Variants in SNX29 observed in about 807,000 individuals in gnomAD.
SNX29 encodes the protein sorting nexin-29.
In SNX29, 78 loss-of-function variants were observed where a neutral mutation model predicts 102.1. The observed-to-expected ratio is 0.76, with a 90% CI of 0.64 to 0.92. The LOEUF (loss-of-function observed/expected upper bound fraction) is 0.92, where lower values mean the gene tolerates loss of function less well. Among genes scored for constraint, SNX29 ranks in the 40% least tolerant of loss-of-function variants. The pLI, the probability that SNX29 is intolerant of heterozygous loss-of-function variation, is 0.00. For missense variants in SNX29, 1,280 were observed against 1,061.7 expected, an observed-to-expected ratio of 1.21 and a Z score of -2.86; for synonymous variants, 580 against 414.5, an observed-to-expected ratio of 1.40 and a Z score of -4.85.
At chr16:12,402,808 T>G (rs2083998133) in intron 17 of SNX29, among the ~76,000 whole-genome samples, 1 of 152,202 alleles carries the variant, frequency 6.6e-6, no homozygotes, top group Admixed American at 6.5e-5. Flanking sequence ...ATACACAGTG[T>G]TTTTGGAAAA....
intron 18 of SNX29, among the ~76,000 whole-genome samples, chr16:12,432,805 T>G (rs1597362688): frequency 6.6e-6 from 1 of 152,146 alleles, no homozygotes; most frequent in South Asian, 2.1e-4. Context: ...CAGAATGAAG[T>G]GTAGGGGTGA....
At chr16:12,386,580 A>C (rs1242631557) in intron 16 of SNX29, among the ~76,000 whole-genome samples, 1 of 152,210 alleles carries the variant, frequency 6.6e-6, no homozygotes, top group African/African-American at 2.4e-5. Context: ...CACTGTTGCC[A>C]ATAGCAGGGT....
intron 16 of SNX29, among the ~76,000 whole-genome samples, chr16:12,396,464 G>A (rs958480020): frequency 5.9e-5 from 9 of 152,158 alleles, no homozygotes; most frequent in Admixed American, 5.9e-4. Flanking sequence ...TGGCTTGTGA[G>A]TCCCCCTCTG....
chr16:12,486,772 C>T (rs897152147), intron 19 of SNX29, among the ~76,000 whole-genome samples: 1 of 152,198 alleles, frequency 6.6e-6, no homozygotes, highest in South Asian at 2.1e-4. Context: ...GATGGCCTGT[C>T]TCTCCGCCCA....
chr16:12,433,630 CAAAAAAA>C (rs1235730528), intron 18 of SNX29, among the ~76,000 whole-genome samples: 4 of 55,336 alleles, frequency 7.2e-5, no homozygotes, highest in Non-Finnish European at 1.4e-4. Flanking sequence ...GACTGCGTCT[CAAAAAAA>C]AAAAAAAAAA....
chr16:12,435,124 T>C (rs2085480484), intron 18 of SNX29, among the ~76,000 whole-genome samples: 1 of 152,088 alleles, frequency 6.6e-6, no homozygotes, highest in African/African-American at 2.4e-5. Context: ...TTTGCAGCTG[T>C]TCTTCAGTTG....
At chr16:12,148,922 G>A (rs1049697096) in intron 13 of SNX29, among the ~76,000 whole-genome samples, 3 of 151,894 alleles carry the variant, frequency 2.0e-5, no homozygotes, top group Non-Finnish European at 4.4e-5. Flanking sequence ...GGCTGGTCTC[G>A]AACTCCTGAC....
intron 16 of SNX29, among the ~76,000 whole-genome samples, chr16:12,379,184 T>C (rs1475958910): frequency 6.6e-6 from 1 of 152,228 alleles, no homozygotes. Context: ...TTGCTCTTTT[T>C]CTCAAGCAGG....
chr16:12,445,691 G>A (rs1403791987), intron 18 of SNX29, among the ~76,000 whole-genome samples: 1 of 152,228 alleles, frequency 6.6e-6, no homozygotes, highest in Non-Finnish European at 1.5e-5. Context: ...TCTTTCTGCA[G>A]CCCATCAGCT....
intron 15 of SNX29, among the ~76,000 whole-genome samples, chr16:12,301,109 T>G (rs114733568): frequency 0.011 from 1,653 of 152,228 alleles, 24 homozygotes; most frequent in African/African-American, 0.038. Flanking sequence ...ATCCTTGATT[T>G]CTCTCTTTCC....
At chr16:12,432,490 C>G (rs2085353239) in intron 18 of SNX29, among the ~76,000 whole-genome samples, 1 of 152,272 alleles carries the variant, frequency 6.6e-6, no homozygotes, top group African/African-American at 2.4e-5. Context: ...AAAAGGTGGC[C>G]TGGGCTGGTG....
At chr16:12,558,280 C>A (rs190535036) in intron 20 of SNX29, among the ~76,000 whole-genome samples, 1 of 152,134 alleles carries the variant, frequency 6.6e-6, no homozygotes, top group African/African-American at 2.4e-5. Context: ...CAGGCTGAGC[C>A]AGCTCTGAAA....
chr16:12,541,021 A>C (rs2077310400), intron 20 of SNX29, among the ~76,000 whole-genome samples: 1 of 152,186 alleles, frequency 6.6e-6, no homozygotes, highest in Admixed American at 6.5e-5. Context: ...TGGGACAGCA[A>C]CAACTGGTCA....
At chr16:12,516,306 C>G (rs928586572) in intron 19 of SNX29, among the ~76,000 whole-genome samples, 2 of 151,920 alleles carry the variant, frequency 1.3e-5, no homozygotes, top group African/African-American at 2.4e-5. Context: ...ATAGTGAGAC[C>G]CCGTCTCTAC....
chr16:12,139,301 A>G (rs1429609890), intron 13 of SNX29, among the ~76,000 whole-genome samples: 1 of 150,290 alleles, frequency 6.7e-6, no homozygotes, highest in Non-Finnish European at 1.5e-5. Context: ...TCATGGGAGT[A>G]GGTATTCCTG....
chr16:12,394,988 G>A (rs1597220600), intron 16 of SNX29, among the ~76,000 whole-genome samples: 1 of 152,200 alleles, frequency 6.6e-6, no homozygotes, highest in South Asian at 2.1e-4. Context: ...AGGGTTCCCT[G>A]TTCATCTTTA....
intron 15 of SNX29, among the ~76,000 whole-genome samples, chr16:12,320,180 T>C (rs567427745): frequency 6.6e-6 from 1 of 152,198 alleles, no homozygotes; most frequent in Non-Finnish European, 1.5e-5. Flanking sequence ...GACCCTGACT[T>C]CCCAGGGGGA....
chr16:12,491,617 G>T (rs1016761351), intron 19 of SNX29, among the ~76,000 whole-genome samples: 13 of 151,968 alleles, frequency 8.6e-5, no homozygotes, highest in African/African-American at 2.9e-4. Flanking sequence ...CCATGTTGGT[G>T]TGCTGCACCC....
At chr16:12,557,867 C>A (rs560797023) in intron 20 of SNX29, among the ~76,000 whole-genome samples, 2 of 152,154 alleles carry the variant, frequency 1.3e-5, no homozygotes, top group Admixed American at 1.3e-4. Flanking sequence ...GCCATTCCAG[C>A]GAGTGGAGGA....
Sources: allele counts gnomAD v4.1 joint callset (sites outside exome capture counted in the v4.1 genomes callset), GRCh38; gene constraint gnomAD v4.1.1; transcripts MANE v1.5; gene names NCBI Gene and HGNC (gene_info 2026-07-23, HGNC 2026-07-21).